FOXP1: variants seen among roughly 807,000 people sequenced by gnomAD.
FOXP1 encodes forkhead box P1.
A neutral mutation model predicts 98.2 loss-of-function variants in FOXP1; 15 were observed. That is an observed-to-expected ratio of 0.15 (90% CI 0.10 to 0.24). The LOEUF (loss-of-function observed/expected upper bound fraction) is 0.24. Ranked by LOEUF, FOXP1 falls within the 10% of genes least tolerant of loss-of-function variation. FOXP1 has a pLI of 1.00. For missense variants in FOXP1, 633 were observed against 848.5 expected, an observed-to-expected ratio of 0.75 and a Z score of 3.15; for synonymous variants, 371 against 314.5, an observed-to-expected ratio of 1.18 and a Z score of -1.90.
At chr3:71,359,579 C>T (rs372024129) in intron 3 of FOXP1, among the ~76,000 whole-genome samples, 1 of 152,126 alleles carries the variant, frequency 6.6e-6, no homozygotes, top group East Asian at 1.9e-4. Flanking sequence ...GACAGGGTCT[C>T]GCTCTGCCAC....
intron 12 of FOXP1, among the ~76,000 whole-genome samples, chr3:71,014,688 C>T (rs1283747158): frequency 6.6e-6 from 1 of 152,172 alleles, no homozygotes; most frequent in African/African-American, 2.4e-5. Flanking sequence ...AAGACACATG[C>T]ACATGTATGT....
chr3:71,270,188 C>T (rs769702356), intron 5 of FOXP1, among the ~76,000 whole-genome samples: 2 of 152,120 alleles, frequency 1.3e-5, no homozygotes, highest in Admixed American at 6.6e-5. Context: ...TTATTATGTT[C>T]GGTGCCAGGC....
intron 2 of FOXP1, chr3:71,571,637 T>C (rs1482404029): frequency 1.3e-5 from 2 of 152,246 alleles, no homozygotes; most frequent in Non-Finnish European, 2.9e-5. Flanking sequence ...AAAATGCCTT[T>C]TCTCTTTCCT....
intron 6 of FOXP1, among the ~76,000 whole-genome samples, chr3:71,154,473 G>T (rs2060724091): frequency 6.6e-6 from 1 of 152,206 alleles, no homozygotes; most frequent in African/African-American, 2.4e-5. Context: ...CTAAGAGGAA[G>T]TATCTCACAT....
intron 3 of FOXP1, among the ~76,000 whole-genome samples, chr3:71,447,240 C>T (rs1223985807): frequency 6.6e-6 from 1 of 152,250 alleles, no homozygotes; most frequent in East Asian, 1.9e-4. Context: ...TATGTCTACA[C>T]ATACAGCAAG....
At chr3:71,057,784 C>T (rs1460021098) in intron 7 of FOXP1, among the ~76,000 whole-genome samples, 4 of 152,098 alleles carry the variant, frequency 2.6e-5, no homozygotes, top group African/African-American at 9.7e-5. Context: ...TGGGTGTGGT[C>T]GATCCCAGGT....
intron 5 of FOXP1, among the ~76,000 whole-genome samples, chr3:71,266,005 G>A (rs938574110): frequency 3.9e-5 from 6 of 152,162 alleles, no homozygotes; most frequent in Non-Finnish European, 7.3e-5. Context: ...CACACAGTGC[G>A]GGAATGGTGC....
intron 5 of FOXP1, among the ~76,000 whole-genome samples, chr3:71,266,543 C>A (rs767510701): frequency 8.5e-5 from 13 of 152,242 alleles, no homozygotes; most frequent in Non-Finnish European, 1.5e-4. Flanking sequence ...TGAGCCACTG[C>A]GCCTGGCCCC....
In FOXP1 at chr3:71,389,254, C is replaced by CGGGGGGGGGGGGGGTGG; in HGVS notation, c.-167-30011_-167-30010insCCACCCCCCCCCCCCCC. Among the ~76,000 whole-genome samples, 2 of 6,062 alleles carry CGGGGGGGGGGGGGGTGG rather than the reference C, an allele frequency of 3.3e-4. 1 individual carries two copies. The highest frequency in any genetic ancestry group is 6.5e-4 in the Non-Finnish European group (2 of 3,056). The allele number at this position is 6,062 out of a possible 152,430, so 4.0% of individuals were successfully genotyped here. A position where few individuals can be genotyped will look rare whatever the true frequency, so the allele number is the denominator to read the frequency against. On this transcript the variant is annotated intron_variant, in intron 3 of 20. Transcript: ENST00000649528. ...TGTAAGCGGCGGGGGGGGGGGGGGCCGGGGGGGGCGGGTTATAAATTTCAC... is the reference window on the plus strand; with the variant it reads ...TGTAAGCGGCGGGGGGGGGGGGGGCCGGGGGGGGGGGGGGTGGGGGGGGGGCGGGTTATAAATTTCAC...
chr3:70,999,718 CAA>C (rs2041872525), intron 13 of FOXP1, among the ~76,000 whole-genome samples: 1 of 144,584 alleles, frequency 6.9e-6, no homozygotes, highest in Non-Finnish European at 1.5e-5. Flanking sequence ...AAAGTCACAA[CAA>C]AAAGTTTAAG....
chr3:70,996,951 T>G (rs576930280), intron 13 of FOXP1, among the ~76,000 whole-genome samples: 1 of 152,332 alleles, frequency 6.6e-6, no homozygotes, highest in South Asian at 2.1e-4. Context: ...GATGAAAACT[T>G]AACTGCTCTT....
chr3:71,449,205 A>G (rs985155883), intron 3 of FOXP1, among the ~76,000 whole-genome samples: 4 of 152,192 alleles, frequency 2.6e-5, no homozygotes, highest in African/African-American at 9.7e-5. Flanking sequence ...TCTTAATTGC[A>G]AAAATAGAGC....
At chr3:71,496,919 A>G (rs1271690198) in intron 2 of FOXP1, among the ~76,000 whole-genome samples, 1 of 151,838 alleles carries the variant, frequency 6.6e-6, no homozygotes, top group East Asian at 1.9e-4. Context: ...GTAACCAGGC[A>G]TATCTAAAAA....
chr3:71,553,134 A>C (rs2045892435), intron 2 of FOXP1, among the ~76,000 whole-genome samples: 1 of 152,120 alleles, frequency 6.6e-6, no homozygotes, highest in Admixed American at 6.5e-5. Flanking sequence ...CAGGTACTAG[A>C]GTTACCTGTT....
intron 7 of FOXP1, among the ~76,000 whole-genome samples, chr3:71,068,443 G>C (rs1232715046): frequency 1.3e-5 from 2 of 152,154 alleles, no homozygotes; most frequent in African/African-American, 4.8e-5. Flanking sequence ...ATACACTGAT[G>C]AATGGCCCTG....
At chr3:71,449,810 G>T (rs2086771861) in intron 3 of FOXP1, among the ~76,000 whole-genome samples, 1 of 152,134 alleles carries the variant, frequency 6.6e-6, no homozygotes, top group South Asian at 2.1e-4. Flanking sequence ...ATGAATCATT[G>T]TTTCATTAGA....
At chr3:70,973,179 A>G (rs557693295) in intron 17 of FOXP1, among the ~76,000 whole-genome samples, 1 of 152,304 alleles carries the variant, frequency 6.6e-6, no homozygotes, top group East Asian at 1.9e-4. Flanking sequence ...AGTGGATTTT[A>G]CCGTTGAGAG....
intron 4 of FOXP1, among the ~76,000 whole-genome samples, chr3:71,339,381 C>CCT (rs2076878131): frequency 6.6e-6 from 1 of 152,220 alleles, no homozygotes; most frequent in Non-Finnish European, 1.5e-5. Context: ...ACAAACCTGT[C>CCT]CTCTAAGGTA....
intron 2 of FOXP1, among the ~76,000 whole-genome samples, chr3:71,506,090 G>C (rs2041805095): frequency 6.6e-6 from 1 of 152,190 alleles, no homozygotes; most frequent in Admixed American, 6.5e-5. Flanking sequence ...GAATTCTACA[G>C]ACAATAATTG....
Sources: allele counts gnomAD v4.1 joint callset (sites outside exome capture counted in the v4.1 genomes callset), GRCh38; gene constraint gnomAD v4.1.1; transcripts MANE v1.5; gene names NCBI Gene and HGNC (gene_info 2026-07-23, HGNC 2026-07-21).